SLC24A2: variants seen among roughly 807,000 people sequenced by gnomAD.
SLC24A2 encodes the protein sodium/potassium/calcium exchanger 2.
Under a neutral mutation model 62.0 loss-of-function variants are expected in SLC24A2, and 36 were observed. That is an observed-to-expected ratio of 0.58 (90% confidence interval 0.44 to 0.77). SLC24A2 has a LOEUF of 0.77. Ranked by LOEUF, SLC24A2 falls within the 30% of genes least tolerant of loss-of-function variation. The pLI, the probability that SLC24A2 is intolerant of heterozygous loss-of-function variation, is 0.00. For missense variants in SLC24A2, 846 were observed against 817.9 expected (o/e 1.03, Z -0.42); for synonymous variants, 358 against 294.0 (o/e 1.22, Z -2.23).
chr9:19,958,570 T>G, the SLC24A2 span, among the ~76,000 whole-genome samples: 1 of 152,182 alleles, frequency 6.6e-6, no homozygotes, highest in African/African-American at 2.4e-5. Context: ...AGTCTAGGAT[T>G]CCAGTGTTAA....
chr9:19,515,992 A>G lies in SLC24A2; in HGVS notation c.*161T>C, dbSNP rs1832906093. 4.6e-6 allele frequency: 4 copies of G among 877,334 alleles called. No homozygotes were observed. The Admixed American group carries it at 5.3e-5, about 12-fold the overall frequency. 54.3% of individuals were successfully genotyped at this position (877,334 alleles called of 1,614,324 possible). A position where few individuals can be genotyped will look rare whatever the true frequency, so the allele number is the denominator to read the frequency against. ...AGGGTGGAAGCAGCCTGTGAAGTGA[A>G]TGGGCCCAGTGTGAATCCATCTCTC... On this transcript the variant is annotated 3_prime_UTR_variant, in exon 11 of 11. Coordinates refer to ENST00000341998, the MANE Select transcript of SLC24A2 (RefSeq NM_020344.4).
the SLC24A2 span, among the ~76,000 whole-genome samples, chr9:20,032,833 G>T: frequency 8.5e-5 from 13 of 152,136 alleles, no homozygotes; most frequent in Non-Finnish European, 1.5e-4. Context: ...AGCAGGGTAG[G>T]GACAGGAGCA....
the SLC24A2 span, among the ~76,000 whole-genome samples, chr9:19,970,033 A>G: frequency 2.0e-5 from 3 of 152,308 alleles, no homozygotes; most frequent in East Asian, 1.9e-4. Context: ...TTCAGAAGGA[A>G]TCCTCTACCT....
At chr9:19,584,622 A>C (rs1563982501) in intron 5 of SLC24A2, among the ~76,000 whole-genome samples, 1 of 152,128 alleles carries the variant, frequency 6.6e-6, no homozygotes, top group South Asian at 2.1e-4. Context: ...TCTTAAAAGC[A>C]AAAATTTTTT....
chr9:19,643,789 CT>C (rs897532076), intron 2 of SLC24A2, among the ~76,000 whole-genome samples: 2 of 152,190 alleles, frequency 1.3e-5, no homozygotes, highest in Non-Finnish European at 2.9e-5. Context: ...AAATTTTTTT[CT>C]GCAAAACATG....
the SLC24A2 span, among the ~76,000 whole-genome samples, chr9:20,026,568 T>C: frequency 6.6e-6 from 1 of 152,108 alleles, no homozygotes; most frequent in Admixed American, 6.5e-5. Context: ...GAACACACAA[T>C]AGGGACAGGA....
the SLC24A2 span, among the ~76,000 whole-genome samples, chr9:19,875,998 T>C: frequency 6.6e-6 from 1 of 152,184 alleles, no homozygotes; most frequent in East Asian, 1.9e-4. Context: ...CAAGAGTTAG[T>C]AGAATACCAA....
At chr9:19,565,132 GAAAT>G (rs1835594050) in intron 7 of SLC24A2, among the ~76,000 whole-genome samples, 1 of 152,054 alleles carries the variant, frequency 6.6e-6, no homozygotes, top group African/African-American at 2.4e-5. Flanking sequence ...GCAGGAGAAA[GAAAT>G]AAAGGTATTC....
intron 2 of SLC24A2, among the ~76,000 whole-genome samples, chr9:19,645,798 T>C (rs1450059584): frequency 2.0e-5 from 3 of 152,214 alleles, no homozygotes; most frequent in African/African-American, 7.2e-5. Flanking sequence ...AACTACAAAC[T>C]TTTCTAGTCT....
At chr9:19,973,510 T>C in the SLC24A2 span, among the ~76,000 whole-genome samples, 57 of 152,320 alleles carry the variant, frequency 3.7e-4, no homozygotes, top group African/African-American at 1.3e-3. Context: ...GACGTGGGCG[T>C]TGGAGCAAGA....
chr9:20,104,467 C>T, the SLC24A2 span, among the ~76,000 whole-genome samples: 1 of 152,186 alleles, frequency 6.6e-6, no homozygotes, highest in South Asian at 2.1e-4. Flanking sequence ...GGGTTACCCA[C>T]AAAGGGAAGC....
chr9:19,913,711 T>C, the SLC24A2 span, among the ~76,000 whole-genome samples: 2 of 152,076 alleles, frequency 1.3e-5, no homozygotes, highest in East Asian at 1.9e-4. Flanking sequence ...ACCTACTTTA[T>C]GCCAGGAACT....
chr9:19,515,731 A>G lies in SLC24A2; in HGVS notation c.*422T>C, dbSNP rs1349590475. The G allele has an allele frequency of 6.5e-6, 1 of 153,208 alleles. No individual in the cohort carries two copies. Among genetic ancestry groups the G allele is most frequent in the East Asian group, 1.9e-4 (1 of 5,254 alleles). 9.5% of individuals were successfully genotyped at this position (153,208 alleles called of 1,614,324 possible). On this transcript the variant is annotated 3_prime_UTR_variant, in exon 11 of 11. Coordinates refer to ENST00000341998, the MANE Select transcript of SLC24A2 (RefSeq NM_020344.4). ...ATATAATTTTTCTTTGTCTTTATTT[A>G]CAGGTATGTACTAATCTATAGGTAT...
the SLC24A2 span, among the ~76,000 whole-genome samples, chr9:19,868,632 G>A: frequency 3.3e-5 from 5 of 151,704 alleles, no homozygotes; most frequent in South Asian, 2.1e-4. Flanking sequence ...TTTACTTAAC[G>A]TATTTTGAAT....
chr9:19,678,137 T>C (rs564024901), intron 2 of SLC24A2, among the ~76,000 whole-genome samples: 2 of 152,212 alleles, frequency 1.3e-5, no homozygotes, highest in African/African-American at 4.8e-5. Context: ...AGGACTGTTA[T>C]GAAGATTAAA....
the SLC24A2 span, among the ~76,000 whole-genome samples, chr9:20,051,223 T>C: frequency 6.6e-6 from 1 of 152,084 alleles, no homozygotes; most frequent in Non-Finnish European, 1.5e-5. Context: ...AATAACAATA[T>C]TAATATCAAG....
the SLC24A2 span, among the ~76,000 whole-genome samples, chr9:20,144,451 C>T: frequency 1.3e-5 from 2 of 152,192 alleles, no homozygotes; most frequent in Admixed American, 6.5e-5. Flanking sequence ...AAACCTTAGC[C>T]TGCCACACGT....
intron 5 of SLC24A2, among the ~76,000 whole-genome samples, chr9:19,591,676 G>T (rs962269357): frequency 6.6e-6 from 1 of 152,190 alleles, no homozygotes; most frequent in African/African-American, 2.4e-5. Context: ...GTGCCCTTGA[G>T]GTTACAAATC....
chr9:20,078,988 G>A, the SLC24A2 span, among the ~76,000 whole-genome samples: 3 of 152,300 alleles, frequency 2.0e-5, no homozygotes, highest in East Asian at 5.8e-4. Flanking sequence ...ATGTTCGTAT[G>A]CTAACCCCTA....
Sources: allele counts gnomAD v4.1 joint callset (sites outside exome capture counted in the v4.1 genomes callset), GRCh38; gene constraint gnomAD v4.1.1; transcripts MANE v1.5; gene names NCBI Gene and HGNC (gene_info 2026-07-23, HGNC 2026-07-21).